The following MGAT4C variants were observed in gnomAD, a reference collection of about 807,000 sequenced individuals.
The protein encoded by MGAT4C is MGAT4 family member C, also known as alpha-1,3-mannosyl-glycoprotein 4-beta-N-acetylglucosaminyltransferase C.
MGAT4C carries 19 observed loss-of-function variants against 40.1 expected under a neutral mutation model. The ratio of observed to expected loss-of-function variants is 0.47; its 90% CI spans 0.33 to 0.70. The LOEUF (loss-of-function observed/expected upper bound fraction) is 0.70. Among genes scored for constraint, MGAT4C ranks in the 30% least tolerant of loss-of-function variants. The pLI, the probability that MGAT4C is intolerant of heterozygous loss-of-function variation, is 0.02. For synonymous variants in MGAT4C, 181 were observed against 187.1 expected, an observed-to-expected ratio of 0.97 and a Z score of 0.27; for missense variants, 491 against 563.2, an observed-to-expected ratio of 0.87 and a Z score of 1.30.
At chr12:86,359,544 TG>T (rs1199590918) in intron 3 of MGAT4C, among the ~76,000 whole-genome samples, 4 of 150,776 alleles carry the variant, frequency 2.7e-5, no homozygotes, top group African/African-American at 9.7e-5. Flanking sequence ...ATCCATGAGC[TG>T]GTTTTTTGAA....
At chr12:86,221,721 A>C (rs574019920) in intron 1 of MGAT4C, among the ~76,000 whole-genome samples, 2 of 152,306 alleles carry the variant, frequency 1.3e-5, no homozygotes, top group East Asian at 1.9e-4. Context: ...ACAAATACCT[A>C]GCTGTAACCA....
At position 85,973,806 on chromosome 12, in the gene MGAT4C, A is replaced by G. The variant is rs1258291430; in HGVS notation, c.*5483T>C. The G allele has an allele frequency of 2.0e-5, 3 of 150,872 alleles. No individual in the cohort carries two copies. The East Asian group carries it at 5.8e-4, about 29-fold the overall frequency. The allele number at this position is 150,872 out of a possible 1,614,324, so 9.3% of individuals were successfully genotyped here. ...AGCTGAAACAACAGTCAAATCAAAA[A>G]CTGCTTTGGTCTCAAATCCATGTTT... On this transcript the variant is annotated 3_prime_UTR_variant, in exon 5 of 5. Transcript: ENST00000611864.
At chr12:86,345,547 T>C (rs2136187654) in intron 3 of MGAT4C, among the ~76,000 whole-genome samples, 2 of 152,202 alleles carry the variant, frequency 1.3e-5, no homozygotes, top group Middle Eastern at 6.8e-3. Context: ...GTCCTTGCAA[T>C]AGTTTGCTGA....
intron 3 of MGAT4C, among the ~76,000 whole-genome samples, chr12:86,418,794 G>A (rs1219801530): frequency 6.6e-6 from 1 of 151,994 alleles, no homozygotes; most frequent in African/African-American, 2.4e-5. Context: ...TGTGTAGAAG[G>A]AAGAAAGAGT....
chr12:86,736,342 T>A (rs1950985610), intron 1 of MGAT4C, among the ~76,000 whole-genome samples: 1 of 151,852 alleles, frequency 6.6e-6, no homozygotes, highest in Non-Finnish European at 1.5e-5. Flanking sequence ...AAGAATCTTT[T>A]GAAGCCACTG....
At chr12:86,485,913 G>A (rs2136317709) in intron 2 of MGAT4C, among the ~76,000 whole-genome samples, 1 of 152,160 alleles carries the variant, frequency 6.6e-6, no homozygotes, top group South Asian at 2.1e-4. Context: ...AAGACATCGG[G>A]GCCTATTTTT....
chr12:86,521,513 A>G (rs1441843769), intron 2 of MGAT4C, among the ~76,000 whole-genome samples: 1 of 152,050 alleles, frequency 6.6e-6, no homozygotes, highest in Non-Finnish European at 1.5e-5. Flanking sequence ...TGATTTCTCC[A>G]CACTTGTTCT....
intron 1 of MGAT4C, among the ~76,000 whole-genome samples, chr12:86,835,786 AT>A (rs1298356297): frequency 6.6e-6 from 1 of 151,976 alleles, no homozygotes; most frequent in Non-Finnish European, 1.5e-5. Context: ...TGCTCAATGC[AT>A]TATTTTTATT....
chr12:86,085,058 G>A lies in MGAT4C; in HGVS notation c.-56-35335C>T, dbSNP rs186752357. Among the ~76,000 whole-genome samples the A allele has an allele frequency of 2.2e-3, 334 of 152,110 alleles. 3 individuals carry two copies. The highest frequency in any genetic ancestry group is 7.6e-3 in the African/African-American group (317 of 41,552). On this transcript the variant is annotated intron_variant, in intron 1 of 4. Transcript: ENST00000611864. ...TGTAATACTTTTTAATATCTGAAAA[G>A]CCATGCACTCTCACAATTTCTATTT...
rs1008135658 is a variant in MGAT4C, at chr12:85,962,346, T to C, written c.*16943A>G. Reference sequence around the variant, plus strand: ...ACTAATTTGACCATTTTGATTCAAATGTCTAAAGGCTAAACCAGAGCAATT... The same window carrying C: ...ACTAATTTGACCATTTTGATTCAAACGTCTAAAGGCTAAACCAGAGCAATT... On this transcript the variant is annotated 3_prime_UTR_variant, in exon 5 of 5. Coordinates refer to ENST00000611864, the MANE Select transcript of MGAT4C (RefSeq NM_001351288.2). The C allele has an allele frequency of 2.7e-5, 4 of 150,706 alleles. No individual in the cohort carries two copies. The highest frequency in any genetic ancestry group is 1.3e-4 in the Admixed American group (2 of 15,074). 9.3% of individuals were successfully genotyped at this position (150,706 alleles called of 1,614,324 possible).
At chr12:86,745,324 T>C (rs916041340) in intron 1 of MGAT4C, among the ~76,000 whole-genome samples, 2 of 151,690 alleles carry the variant, frequency 1.3e-5, no homozygotes, top group Non-Finnish European at 3.0e-5. Context: ...AGTTCGCATC[T>C]GGAGAATGAA....
Position 86,482,099 on chromosome 12 carries a change from C to CACACACACAT in MGAT4C, c.-228-46835_-228-46834insATGTGTGTGT, listed in dbSNP as rs1375497036. Among the ~76,000 whole-genome samples the CACACACACAT allele has an allele frequency of 2.5e-3, 378 of 151,564 alleles. 1 individual carries two copies. The highest frequency in any genetic ancestry group is 8.8e-3 in the African/African-American group (362 of 41,244). On this transcript the variant is annotated intron_variant, in intron 2 of 7. Coordinates refer to the MGAT4C transcript ENST00000548651. ...ACACACACACACACACACACACACACACAAGCAAGTCTTCTTTTTCAAAGA... is the reference window on the plus strand; with the variant it reads ...ACACACACACACACACACACACACACACACACACATACAAGCAAGTCTTCTTTTTCAAAGA...
At chr12:86,535,671 C>T (rs1430259996) in intron 2 of MGAT4C, among the ~76,000 whole-genome samples, 2 of 152,000 alleles carry the variant, frequency 1.3e-5, no homozygotes, top group African/African-American at 4.8e-5. Flanking sequence ...AGAACTTGTA[C>T]AAATCTAAAC....
intron 1 of MGAT4C, among the ~76,000 whole-genome samples, chr12:86,742,363 G>A (rs1220376901): frequency 1.3e-5 from 2 of 151,464 alleles, no homozygotes; most frequent in South Asian, 4.1e-4. Flanking sequence ...ATTAAGCATG[G>A]CTCTTTAACT....
chr12:86,561,816 T>G (rs1030404114), intron 2 of MGAT4C, among the ~76,000 whole-genome samples: 3 of 152,314 alleles, frequency 2.0e-5, no homozygotes, highest in African/African-American at 7.2e-5. Flanking sequence ...CCAGGCGTGT[T>G]TCTAGAGAAA....
In MGAT4C at chr12:86,678,662, G is replaced by A. The variant is rs1949913924; in HGVS notation, c.-229+48547C>T. ...TTCTCATTGTTCAATTCCCACCTAT[G>A]AGTGAGAATATGTGGTGTTTGGTTT... is the stretch of plus-strand genomic sequence containing the variant. On this transcript the variant is annotated intron_variant, in intron 2 of 7. Transcript: ENST00000548651. Among the ~76,000 whole-genome samples the A allele has an allele frequency of 4.9e-5, 7 of 143,270 alleles. No homozygotes were observed. The South Asian group carries it at 1.5e-3, about 31-fold the overall frequency. 94.0% of individuals were successfully genotyped at this position (143,270 alleles called of 152,430 possible).
chr12:86,776,055 C>A (rs139129952), intron 1 of MGAT4C, among the ~76,000 whole-genome samples: 1,550 of 151,906 alleles, frequency 0.01, 18 homozygotes, highest in Non-Finnish European at 0.016. Context: ...TTTATAAATA[C>A]CTGAACTAAA....
chr12:85,986,935 T>C (rs748738428), intron 3 of MGAT4C, among the ~76,000 whole-genome samples: 32 of 152,008 alleles, frequency 2.1e-4, no homozygotes, highest in Non-Finnish European at 4.0e-4. Context: ...GTTTTCAACT[T>C]ATAGCCTTGA....
chr12:86,113,480 A>G (rs1010476356), intron 1 of MGAT4C, among the ~76,000 whole-genome samples: 1 of 151,848 alleles, frequency 6.6e-6, no homozygotes, highest in African/African-American at 2.4e-5. Flanking sequence ...GAAACTCTTT[A>G]GGTAAGATAG....
Sources: allele counts gnomAD v4.1 joint callset (sites outside exome capture counted in the v4.1 genomes callset), GRCh38; gene constraint gnomAD v4.1.1; transcripts MANE v1.5; gene names NCBI Gene and HGNC (gene_info 2026-07-23, HGNC 2026-07-21).